Variants in MBOAT2 observed in about 807,000 individuals in gnomAD.
MBOAT2 encodes membrane bound glycerophospholipid O-acyltransferase 2.
Under a neutral mutation model 63.4 loss-of-function variants are expected in MBOAT2, and 28 were observed. The observed-to-expected ratio is 0.44, with a 90% CI of 0.33 to 0.61. MBOAT2 has a LOEUF of 0.61. Among genes scored for constraint, MBOAT2 ranks in the 20% least tolerant of loss-of-function variants. The probability of loss-of-function intolerance (pLI) is 0.03; values close to 1 mark genes in which losing one functional copy is unlikely to be tolerated. For synonymous variants in MBOAT2, 211 were observed against 215.6 expected, an observed-to-expected ratio of 0.98 and a Z score of 0.19; for missense variants, 470 against 605.8, an observed-to-expected ratio of 0.78 and a Z score of 2.35.
chr2:8,959,467 T>TC (rs2103277566), intron 1 of MBOAT2, among the ~76,000 whole-genome samples: 1 of 150,354 alleles, frequency 6.7e-6, no homozygotes, highest in East Asian at 1.9e-4. Context: ...TTTTTTTCTT[T>TC]TTTTTTTTTT....
At chr2:8,965,670 C>G (rs190240984) in intron 1 of MBOAT2, among the ~76,000 whole-genome samples, 2 of 152,198 alleles carry the variant, frequency 1.3e-5, no homozygotes, top group Admixed American at 1.3e-4. Context: ...TACTAGAACA[C>G]GAGAAAGGAG....
chr2:8,971,311 C>T (rs996825263), intron 1 of MBOAT2, among the ~76,000 whole-genome samples: 8 of 152,208 alleles, frequency 5.3e-5, no homozygotes, highest in Non-Finnish European at 1.0e-4. Context: ...TGACAAAATT[C>T]AACAGCCCTT....
chr2:8,964,168 C>A (rs747092157), intron 1 of MBOAT2, among the ~76,000 whole-genome samples: 1 of 152,222 alleles, frequency 6.6e-6, no homozygotes, highest in Non-Finnish European at 1.5e-5. Flanking sequence ...ATTCCTTCCA[C>A]CCCTCCCACA....
Position 8,861,749 on chromosome 2 carries a change from C to T in MBOAT2, c.1185+841G>A, listed in dbSNP as rs115200492. 2.8e-3 allele frequency among the ~76,000 whole-genome samples: 422 copies of T among 152,310 alleles called. 4 individuals carry two copies. Among genetic ancestry groups the T allele is most frequent in the African/African-American group, 9.7e-3 (404 of 41,574 alleles). ...AAGAGACTTCTTCCATCTCTAAACA[C>T]CTATGCTACTTAGTATTTATAACAC... On this transcript the variant is annotated intron_variant, in intron 11 of 12. Transcript: ENST00000305997.
At chr2:8,936,996 A>G (rs937382342) in intron 3 of MBOAT2, among the ~76,000 whole-genome samples, 1 of 152,140 alleles carries the variant, frequency 6.6e-6, no homozygotes, top group Non-Finnish European at 1.5e-5. Flanking sequence ...TACGCCTGAA[A>G]CACATTCCTC....
At chr2:8,945,317 A>G (rs755292513) in intron 2 of MBOAT2, among the ~76,000 whole-genome samples, 1 of 152,124 alleles carries the variant, frequency 6.6e-6, no homozygotes, top group Admixed American at 6.5e-5. Context: ...CACTGGTGAT[A>G]ATCTTCCTAA....
intron 4 of MBOAT2, among the ~76,000 whole-genome samples, chr2:8,899,079 A>T (rs1664714770): frequency 6.6e-6 from 1 of 152,172 alleles, no homozygotes. Flanking sequence ...GCCTTTGATA[A>T]GGAAAAGTGG....
intron 2 of MBOAT2, among the ~76,000 whole-genome samples, chr2:8,944,353 G>A (rs2103241013): frequency 6.6e-6 from 1 of 152,204 alleles, no homozygotes; most frequent in African/African-American, 2.4e-5. Context: ...CCCTTTGGGG[G>A]AATGAACAAT....
At chr2:8,937,939 C>T (rs972909418) in intron 3 of MBOAT2, among the ~76,000 whole-genome samples, 13 of 152,166 alleles carry the variant, frequency 8.5e-5, no homozygotes, top group African/African-American at 2.9e-4. Context: ...AGCAAGATCA[C>T]GTCAAACAGT....
intron 5 of MBOAT2, among the ~76,000 whole-genome samples, chr2:8,883,462 T>C (rs989381503): frequency 3.3e-5 from 5 of 152,192 alleles, no homozygotes; most frequent in African/African-American, 1.2e-4. Context: ...ATCTAAATTA[T>C]GTAAAACACA....
Position 8,945,924 on chromosome 2 carries a change from C to T in MBOAT2, c.222-2660G>A, listed in dbSNP as rs1433776224. On this transcript the variant is annotated intron_variant, in intron 2 of 12. Coordinates refer to ENST00000305997, the MANE Select transcript of MBOAT2 (RefSeq NM_138799.4). ...TGTCTACCTTCTGAAAGGCACTGTA[C>T]TGAACACTAGAAATACAAGTCAATG... 3.7e-4 allele frequency among the ~76,000 whole-genome samples: 57 copies of T among 152,132 alleles called. 1 individual carries two copies. Among genetic ancestry groups the T allele is most frequent in the Admixed American group, 3.7e-3 (57 of 15,278 alleles).
rs997165476 is a variant in MBOAT2 at position 8,862,356 on chromosome 2, C to T, written c.1185+234G>A. The T allele has an allele frequency of 2.1e-6, 3 of 1,444,618 alleles. No individual in the cohort carries two copies. In the African/African-American group the frequency reaches 4.2e-5, roughly 20 times the overall value. 89.5% of individuals were successfully genotyped at this position (1,444,618 alleles called of 1,614,324 possible). ...ACAAAGTAACATTTTGTGAGTGCCT[C>T]CTACCTGCCGGGCACATAGAAACGT... is the stretch of plus-strand genomic sequence containing the variant. On this transcript the variant is annotated intron_variant, in intron 11 of 12. Transcript: ENST00000305997. This position sits in a 1 kb window ranked among gnomAD's most constrained non-coding sequence, Gnocchi z 4.3.
intron 8 of MBOAT2, among the ~76,000 whole-genome samples, chr2:8,870,932 A>T (rs1399215720): frequency 6.6e-6 from 1 of 152,180 alleles, no homozygotes; most frequent in Non-Finnish European, 1.5e-5. Flanking sequence ...GGGTCGGAGG[A>T]TCAGAAGTAC....
In MBOAT2 at chr2:8,853,529, GCAGT is replaced by G. The variant is rs1301640773; in HGVS notation, c.*5146_*5149del. ...GAAACAGCTAAGACTCTGGTGAAAG[GCAGT>G]CAGTCACCTTTCCCATTTCAAACAT... On this transcript the variant is annotated 3_prime_UTR_variant, in exon 13 of 13. Coordinates refer to ENST00000305997, the MANE Select transcript of MBOAT2 (RefSeq NM_138799.4). 6.6e-6 allele frequency: 1 copy of G among 152,150 alleles called. No homozygotes were observed. Among genetic ancestry groups the G allele is most frequent in the African/African-American group, 2.4e-5 (1 of 41,422 alleles). 9.4% of individuals were successfully genotyped at this position (152,150 alleles called of 1,614,324 possible). A position where few individuals can be genotyped will look rare whatever the true frequency, so the allele number is the denominator to read the frequency against.
intron 1 of MBOAT2, among the ~76,000 whole-genome samples, chr2:8,980,121 T>C (rs1000979880): frequency 6.6e-6 from 1 of 152,142 alleles, no homozygotes; most frequent in African/African-American, 2.4e-5. Flanking sequence ...CAAATGAAAA[T>C]TAAAGTAGTC....
At chr2:8,927,476 G>A (rs1251513433) in intron 3 of MBOAT2, among the ~76,000 whole-genome samples, 4 of 152,172 alleles carry the variant, frequency 2.6e-5, no homozygotes, top group Non-Finnish European at 5.9e-5. Flanking sequence ...CAAGAAAACT[G>A]AAGACTTAAG....
intron 4 of MBOAT2, among the ~76,000 whole-genome samples, chr2:8,897,878 C>T (rs1445453319): frequency 1.3e-5 from 2 of 152,180 alleles, no homozygotes; most frequent in African/African-American, 2.4e-5. Flanking sequence ...CAAGGAGTAG[C>T]GCCTGGTATC....
At chr2:8,870,927 G>A (rs776188382) in intron 8 of MBOAT2, among the ~76,000 whole-genome samples, 6 of 151,994 alleles carry the variant, frequency 3.9e-5, no homozygotes, top group African/African-American at 7.2e-5. Context: ...TATTGGGGTC[G>A]GAGGATCAGA....
At chr2:8,987,933 T>G (rs755558853) in intron 1 of MBOAT2, among the ~76,000 whole-genome samples, 1 of 152,248 alleles carries the variant, frequency 6.6e-6, no homozygotes, top group Non-Finnish European at 1.5e-5. Flanking sequence ...GATAAAGATG[T>G]ATTACTTTCT....
Sources: allele counts gnomAD v4.1 joint callset (sites outside exome capture counted in the v4.1 genomes callset), GRCh38; gene constraint gnomAD v4.1.1; non-coding constraint Gnocchi (gnomAD v3.1); transcripts MANE v1.5; gene names NCBI Gene and HGNC (gene_info 2026-07-23, HGNC 2026-07-21).